The following AKAP13 variants were observed in gnomAD, a reference collection of about 807,000 sequenced individuals.
AKAP13 encodes A-kinase anchor protein 13.
AKAP13 carries 80 observed loss-of-function variants against 264.5 expected under a neutral mutation model. The ratio of observed to expected loss-of-function variants is 0.30; its 90% CI spans 0.25 to 0.36. AKAP13 has a LOEUF of 0.36. Among genes scored for constraint, AKAP13 ranks in the 10% least tolerant of loss-of-function variants. The pLI is 1.00. For synonymous variants in AKAP13, 1,380 were observed against 1,250.2 expected (o/e 1.10, Z -2.19); for missense variants, 3,712 against 3,435.2 (o/e 1.08, Z -2.01).
chr15:85,568,386 C>T (rs2078686013), intron 5 of AKAP13, among the ~76,000 whole-genome samples: 1 of 152,042 alleles, frequency 6.6e-6, no homozygotes, highest in Non-Finnish European at 1.5e-5. Context: ...AATGGAAAAG[C>T]GATCAGTAAG....
At chr15:85,452,517 G>C (rs780485274) in intron 1 of AKAP13, among the ~76,000 whole-genome samples, 1 of 152,154 alleles carries the variant, frequency 6.6e-6, no homozygotes, top group Non-Finnish European at 1.5e-5. Flanking sequence ...TTTAACTGCA[G>C]TGTAGATTGA....
chr15:85,656,096 T>C (rs919449138), intron 11 of AKAP13, among the ~76,000 whole-genome samples: 9 of 152,204 alleles, frequency 5.9e-5, no homozygotes, highest in Non-Finnish European at 1.0e-4. Flanking sequence ...TGGGAATGTT[T>C]ATTCTTACCA....
Position 85,580,133 on chromosome 15 carries a change from G to A in AKAP13, c.2065G>A (p.Glu689Lys), listed in dbSNP as rs7177107. 0.2 allele frequency: 319,320 copies of A among 1,614,002 alleles called. 35,057 individuals carry two copies. Among genetic ancestry groups the A allele is most frequent in the Non-Finnish European group, 0.23 (270,883 of 1,179,948 alleles). ...AAAACTGTGTGATAACATAGTTAGC[G>A]AGTCCGAAAGCACCACAGCAAGGCA... ...VAKLCDNIVS[E>K]SESTTARQPS... Residue 689 changes from glutamate to lysine, a missense_variant, in exon 7 of 37, where the codon GAG becomes AAG. Transcript: ENST00000394518.
At chr15:85,452,376 C>G (rs1222967528) in intron 1 of AKAP13, among the ~76,000 whole-genome samples, 2 of 152,122 alleles carry the variant, frequency 1.3e-5, no homozygotes, top group Admixed American at 1.3e-4. Context: ...GTCATTGCAG[C>G]CCATTTGGCC....
intron 15 of AKAP13, 26 bp downstream of exon 15, chr15:85,682,238 T>C (rs779817137): frequency 6.2e-7 from 1 of 1,605,876 alleles, no homozygotes; most frequent in South Asian, 1.1e-5. Context: ...TACTCCTTTT[T>C]CCAGAAATAA....
chr15:85,620,262 T>A, intron 8 of AKAP13: 1 of 1,282,360 alleles, frequency 7.8e-7, no homozygotes, highest in East Asian at 2.5e-5. Context: ...CCCTCCTGTA[T>A]TGGGAGAAAG....
intron 30 of AKAP13, among the ~76,000 whole-genome samples, chr15:85,731,853 A>T (rs1292512140): frequency 6.6e-6 from 1 of 152,058 alleles, no homozygotes; most frequent in Non-Finnish European, 1.5e-5. Flanking sequence ...AGGCCGAGGC[A>T]AGTGGATCAC....
chr15:85,381,038 C>T (rs1390535135), intron 1 of AKAP13, among the ~76,000 whole-genome samples: 1 of 151,510 alleles, frequency 6.6e-6, no homozygotes, highest in Non-Finnish European at 1.5e-5. Context: ...GCTTGGGGCT[C>T]GGCGCGCCTC....
chr15:85,592,707 ACT>A (rs1470184234), intron 8 of AKAP13, among the ~76,000 whole-genome samples: 15 of 152,160 alleles, frequency 9.9e-5, no homozygotes, highest in Admixed American at 7.2e-4. Context: ...TTTTTTGGAG[ACT>A]CTCTGTATCT....
chr15:85,467,916 G>A (rs548430606), intron 1 of AKAP13, among the ~76,000 whole-genome samples: 11 of 152,310 alleles, frequency 7.2e-5, no homozygotes, highest in African/African-American at 1.9e-4. Context: ...AAGTGTTGAC[G>A]GAGGCAGAGT....
intron 1 of AKAP13, among the ~76,000 whole-genome samples, chr15:85,403,438 T>C (rs371387825): frequency 5.3e-5 from 8 of 152,220 alleles, no homozygotes; most frequent in African/African-American, 1.9e-4. Flanking sequence ...TTTCTAGTTC[T>C]CCTTTTTGCA....
intron 1 of AKAP13, among the ~76,000 whole-genome samples, chr15:85,442,470 ATATAT>A (rs1253167006): frequency 7.9e-6 from 1 of 125,978 alleles, no homozygotes; most frequent in Non-Finnish European, 1.6e-5. Context: ...TATACATAAT[ATATAT>A]TATATAATAT....
In AKAP13 at chr15:85,581,537, T is replaced by C. The variant is rs1244536232; in HGVS notation, c.3469T>C (p.Trp1157Arg). The C allele has an allele frequency of 6.2e-7, 1 of 1,613,976 alleles. No homozygotes were observed. The highest frequency in any genetic ancestry group is 1.1e-5 in the South Asian group (1 of 91,054). ...AACCCCAGAGATGATACCTCTTGAT[T>C]GGGAGAAAGGGAAGCTGGAGGGAGC... The part of the protein sequence containing the change: ...VGTPEMIPLD[W>R]EKGKLEGADH... The change falls in exon 7 of 37, where the codon TGG becomes CGG. Residue 1157 changes from tryptophan (W) to arginine (R), a missense_variant. Around this residue, in one of 3 missense-constraint regions of AKAP13, gnomAD observed 2,759 missense variants for 2,411.7 expected, o/e 1.14. Transcript: ENST00000394518.
chr15:85,581,617 A>G lies in AKAP13; in HGVS notation c.3549A>G (p.Ala1183=), dbSNP rs914526402. 6.2e-7 allele frequency: 1 copy of G among 1,614,184 alleles called. No individual in the cohort carries two copies. Among genetic ancestry groups the G allele is most frequent in the Admixed American group, 1.7e-5 (1 of 60,024 alleles). ...AGGAAGCCCAAATAGACGATGAAGC[A>G]CATCCTGTCCTACTGCAGCCTGTTG... ...DAEEAQIDDE[A]HPVLLQPVAK... is the part of the protein sequence containing the mutation. Residue 1183 remains alanine (A), a synonymous_variant, in exon 7 of 37, where the codon GCA becomes GCG. Transcript: ENST00000394518.
intron 1 of AKAP13, among the ~76,000 whole-genome samples, chr15:85,459,932 A>C (rs969418304): frequency 4.6e-5 from 7 of 152,132 alleles, no homozygotes; most frequent in African/African-American, 1.7e-4. Context: ...AATATTTCTC[A>C]AATTTGTTTT....
intron 1 of AKAP13, among the ~76,000 whole-genome samples, chr15:85,412,523 T>G (rs758599548): frequency 3.2e-4 from 49 of 152,240 alleles, no homozygotes; most frequent in Non-Finnish European, 5.9e-4. Context: ...AAAGTATGTT[T>G]ATTTGTAATG....
Position 85,682,171 on chromosome 15 carries a change from C to G in AKAP13, c.5115C>G (p.Phe1705Leu), listed in dbSNP as rs2084637120. 4 of 1,613,420 alleles carry G rather than the reference C, an allele frequency of 2.5e-6. No individual in the cohort carries two copies. Among genetic ancestry groups the G allele is most frequent in the Non-Finnish European group, 3.4e-6 (4 of 1,179,946 alleles). ...CTTGTTTTCTAGATTCACGGCCCTT[C>G]CACAGTACCTTCCACAATACCAGTG... ...SHPGLDNSRP[F>L]HSTFHNTSAN... is the part of the protein sequence containing the mutation. The change falls in exon 15 of 37, where the codon TTC becomes TTG. Residue 1705 changes from phenylalanine to leucine, a missense_variant. By Grantham distance (22) the Phe-to-Leu change is conservative. Around this residue, in one of 3 missense-constraint regions of AKAP13, gnomAD observed 2,759 missense variants for 2,411.7 expected, o/e 1.14. Coordinates refer to ENST00000394518, the MANE Select transcript of AKAP13 (RefSeq NM_007200.5).
At chr15:85,636,780 G>C (rs753616469) in intron 8 of AKAP13, among the ~76,000 whole-genome samples, 50 of 151,978 alleles carry the variant, frequency 3.3e-4, no homozygotes, top group Non-Finnish European at 5.9e-4. Flanking sequence ...ACACCTGGCT[G>C]ATTTTTGTAT....
chr15:85,508,919 C>G (rs1053619042), intron 2 of AKAP13, among the ~76,000 whole-genome samples: 1 of 152,172 alleles, frequency 6.6e-6, no homozygotes, highest in Non-Finnish European at 1.5e-5. Context: ...CTTGGAGGAG[C>G]TTTTCCAGAC....
Sources: allele counts gnomAD v4.1 joint callset (sites outside exome capture counted in the v4.1 genomes callset), GRCh38; gene constraint gnomAD v4.1.1; regional missense constraint gnomAD v4.1.1; transcripts MANE v1.5; gene names NCBI Gene and HGNC (gene_info 2026-07-23, HGNC 2026-07-21).